Variants in NCOA1 observed in about 807,000 individuals in gnomAD.
NCOA1 encodes Hin-2 protein.
In NCOA1, 35 loss-of-function variants were observed where a neutral mutation model predicts 150.9. The observed-to-expected ratio is 0.23, with a 90% CI of 0.18 to 0.31. The LOEUF (loss-of-function observed/expected upper bound fraction) is 0.31. Among genes scored for constraint, NCOA1 ranks in the 10% least tolerant of loss-of-function variants. The probability of loss-of-function intolerance (pLI) is 1.00; values close to 1 mark genes in which losing one functional copy is unlikely to be tolerated. For missense variants in NCOA1, 1,491 were observed against 1,749.3 expected (o/e 0.85, Z 2.63); for synonymous variants, 590 against 630.0 (o/e 0.94, Z 0.95).
intron 1 of NCOA1, among the ~76,000 whole-genome samples, chr2:24,516,997 C>CATATACGTATATAT (rs1572372557): frequency 1.2e-4 from 2 of 16,236 alleles, no homozygotes; most frequent in East Asian, 4.7e-3. Context: ...TATATATACA[C>CATATACGTATATAT]ACGCGCGCAC....
At chr2:24,691,327 A>G (rs934334967) in intron 8 of NCOA1, among the ~76,000 whole-genome samples, 154 bp from the exon 9 acceptor site, 19 of 152,216 alleles carry the variant, frequency 1.2e-4, no homozygotes, top group African/African-American at 4.1e-4. Flanking sequence ...TAAGTATTCT[A>G]TTGCCTCAGG....
In NCOA1 at chr2:24,707,884, G is replaced by A. The variant is rs1673536389; in HGVS notation, c.2414G>A (p.Ser805Asn). ...TPEEIKLEAQ[S>N]QFTADLDQFD... is the part of the protein sequence containing the mutation. ...GAGGAAATAAAACTGGAGGCCCAGA[G>A]CCAGGTGGGTAACTGCTTGCTTCAC... Residue 805 changes from serine to asparagine, a missense_variant, in exon 13 of 23, where the codon AGC becomes AAC. This residue lies in a region of NCOA1 where 703 missense variants were observed against 717.7 expected (regional missense o/e 0.98). Transcript: ENST00000348332. 1 of 1,582,798 alleles carries A rather than the reference G, an allele frequency of 6.3e-7. No homozygotes were observed. The highest frequency in any genetic ancestry group is 8.5e-7 in the Non-Finnish European group (1 of 1,170,196).
At chr2:24,528,109 TC>T (rs1257788695) in intron 1 of NCOA1, among the ~76,000 whole-genome samples, 1 of 152,210 alleles carries the variant, frequency 6.6e-6, no homozygotes, top group Non-Finnish European at 1.5e-5. Context: ...TTCTTCCCAA[TC>T]CATAAGTTGC....
At chr2:24,662,256 T>G (rs1372795978) in intron 5 of NCOA1, among the ~76,000 whole-genome samples, 4 of 152,344 alleles carry the variant, frequency 2.6e-5, no homozygotes, top group African/African-American at 9.6e-5. Flanking sequence ...TGGAGTGAGA[T>G]ATCTCATATC....
intron 3 of NCOA1, among the ~76,000 whole-genome samples, chr2:24,635,980 C>A (rs942926961): frequency 6.6e-6 from 1 of 152,154 alleles, no homozygotes; most frequent in East Asian, 1.9e-4. Context: ...AAACATTCCA[C>A]CTTAATATGG....
intron 11 of NCOA1, 139 bp downstream of exon 11, chr2:24,697,937 A>G (rs562629624): frequency 1.1e-6 from 1 of 939,952 alleles, no homozygotes; most frequent in African/African-American, 1.7e-5. Flanking sequence ...AAAGGAAGAA[A>G]TGGGTAAGCA....
At chr2:24,507,814 G>GTAGC (rs1663771675) in intron 1 of NCOA1, among the ~76,000 whole-genome samples, 1 of 152,006 alleles carries the variant, frequency 6.6e-6, no homozygotes, top group African/African-American at 2.4e-5. Context: ...ATAGGACCTT[G>GTAGC]TAGCATATGG....
chr2:24,590,794 A>G (rs949084785), intron 3 of NCOA1, among the ~76,000 whole-genome samples: 61 of 152,154 alleles, frequency 4.0e-4, no homozygotes, highest in African/African-American at 1.4e-3. Context: ...CCTGCTCATG[A>G]TAGGCATGGG....
intron 3 of NCOA1, among the ~76,000 whole-genome samples, chr2:24,638,180 CTTTTTTT>C (rs544369191): frequency 1.1e-5 from 1 of 89,508 alleles, no homozygotes; most frequent in Admixed American, 1.3e-4. Context: ...ATGAGATCAA[CTTTTTTT>C]TTTTTTTTTT....
chr2:24,586,130 G>T (rs1251727901), intron 3 of NCOA1, among the ~76,000 whole-genome samples: 2 of 151,916 alleles, frequency 1.3e-5, no homozygotes, highest in Non-Finnish European at 2.9e-5. Context: ...CAAAACATTA[G>T]CTGGGCGTGG....
intron 1 of NCOA1, among the ~76,000 whole-genome samples, chr2:24,543,577 A>G (rs1238921420): frequency 1.3e-5 from 2 of 152,128 alleles, no homozygotes; most frequent in Non-Finnish European, 2.9e-5. Flanking sequence ...TGGTTGCTAC[A>G]GTGGATGGAC....
intron 14 of NCOA1, among the ~76,000 whole-genome samples, chr2:24,719,263 T>C (rs1002919986): frequency 6.6e-6 from 1 of 152,126 alleles, no homozygotes; most frequent in Non-Finnish European, 1.5e-5. Context: ...GTAATAGAAG[T>C]CTGATCATTG....
intron 3 of NCOA1, among the ~76,000 whole-genome samples, chr2:24,624,111 C>T (rs771563147): frequency 6.6e-6 from 1 of 151,948 alleles, no homozygotes; most frequent in Admixed American, 6.6e-5. Context: ...TCTCATAAAC[C>T]GAGGCTATAG....
chr2:24,608,292 T>C (rs961334117), intron 3 of NCOA1, among the ~76,000 whole-genome samples: 1 of 144,046 alleles, frequency 6.9e-6, no homozygotes, highest in East Asian at 2.0e-4. Flanking sequence ...TTATTATTAT[T>C]ATTATTTTGA....
At chr2:24,567,618 A>G (rs1666568716) in intron 2 of NCOA1, among the ~76,000 whole-genome samples, 1 of 152,250 alleles carries the variant, frequency 6.6e-6, no homozygotes, top group Non-Finnish European at 1.5e-5. Flanking sequence ...CTTAAGTTCT[A>G]TATTCAGACC....
At chr2:24,659,661 G>C (rs1270302393) in intron 5 of NCOA1, among the ~76,000 whole-genome samples, 1 of 152,158 alleles carries the variant, frequency 6.6e-6, no homozygotes, top group African/African-American at 2.4e-5. Flanking sequence ...TTCCTAGAAT[G>C]AGTGGAGATT....
intron 1 of NCOA1, among the ~76,000 whole-genome samples, chr2:24,518,636 A>G (rs1664302316): frequency 6.6e-6 from 1 of 152,342 alleles, no homozygotes; most frequent in Admixed American, 6.5e-5. Flanking sequence ...ACAAGGTAGG[A>G]TAGAAGATCA....
rs372675188 is a variant in NCOA1 at position 24,581,006 on chromosome 2, CT to C, written c.-259-3467del. Among the ~76,000 whole-genome samples the C allele has an allele frequency of 6.2e-3, 947 of 152,330 alleles. 13 individuals carry two copies. Among genetic ancestry groups the C allele is most frequent in the African/African-American group, 0.021 (868 of 41,576 alleles). ...TGGGGATACAAGTCCAGGTTCTCTA[CT>C]TTGCCTCTCTTGACACTCAATTTAG... On this transcript the variant is annotated intron_variant, in intron 2 of 22. Transcript: ENST00000348332.
intron 3 of NCOA1, among the ~76,000 whole-genome samples, chr2:24,614,639 G>A (rs1668793925): frequency 6.6e-6 from 1 of 152,012 alleles, no homozygotes; most frequent in Non-Finnish European, 1.5e-5. Context: ...ATTTTCAAAA[G>A]AATAGTTTCT....
Sources: gnomAD v4.1 joint callset for allele counts (sites outside exome capture counted in the v4.1 genomes callset) on GRCh38, gnomAD v4.1.1 for gene constraint, gnomAD v4.1.1 regional missense constraint, MANE v1.5 for transcripts, NCBI Gene and HGNC (gene_info 2026-07-23, HGNC 2026-07-21) for gene names.